Variants in DLGAP2 observed in about 807,000 individuals in gnomAD.
The protein encoded by DLGAP2 is disks large-associated protein 2.
DLGAP2 carries 26 observed loss-of-function variants against 100.3 expected under a neutral mutation model. The observed-to-expected ratio is 0.26, with a 90% CI of 0.19 to 0.36. The LOEUF is 0.36. DLGAP2 is among the 10% of genes least tolerant of loss of function. The probability of loss-of-function intolerance (pLI) is 1.00; values close to 1 mark genes in which losing one functional copy is unlikely to be tolerated. For missense variants in DLGAP2, 1,858 were observed against 1,453.2 expected (o/e 1.28, Z -4.53); for synonymous variants, 886 against 630.1 (o/e 1.41, Z -6.08).
chr8:1,488,093 C>T (rs1799276842), intron 3 of DLGAP2, among the ~76,000 whole-genome samples: 1 of 152,154 alleles, frequency 6.6e-6, no homozygotes, highest in South Asian at 2.1e-4. Context: ...GTGGCATATT[C>T]TTCAGGATTT....
chr8:843,651 G>A (rs764269153), intron 1 of DLGAP2, among the ~76,000 whole-genome samples: 1 of 152,182 alleles, frequency 6.6e-6, no homozygotes, highest in Admixed American at 6.5e-5. Context: ...TGCTGTAAAT[G>A]GTTTTTGGGT....
intron 2 of DLGAP2, among the ~76,000 whole-genome samples, chr8:1,084,093 C>T (rs893219660): frequency 6.6e-6 from 1 of 152,122 alleles, no homozygotes; most frequent in African/African-American, 2.4e-5. Context: ...TGTATGTACT[C>T]TTAACTCAAT....
chr8:832,075 T>C (rs1212631820), intron 1 of DLGAP2, among the ~76,000 whole-genome samples: 1 of 152,180 alleles, frequency 6.6e-6, no homozygotes, highest in East Asian at 1.9e-4. Flanking sequence ...TTTTTTCTTG[T>C]AAAATTTGTT....
At chr8:828,978 C>T (rs978296720) in intron 1 of DLGAP2, among the ~76,000 whole-genome samples, 1 of 152,150 alleles carries the variant, frequency 6.6e-6, no homozygotes, top group African/African-American at 2.4e-5. Context: ...GGTAATGAAT[C>T]ACTGGCTTTT....
intron 1 of DLGAP2, among the ~76,000 whole-genome samples, chr8:758,330 A>G (rs1820972827): frequency 6.6e-6 from 1 of 152,248 alleles, no homozygotes; most frequent in Non-Finnish European, 1.5e-5. Flanking sequence ...TTCTGTAGGT[A>G]GAGGGTTACC....
chr8:1,449,924 T>C (rs868371902), intron 3 of DLGAP2, among the ~76,000 whole-genome samples: 45 of 89,388 alleles, frequency 5.0e-4, no homozygotes, highest in South Asian at 8.5e-4. Context: ...GTGGGCGGCC[T>C]CGGTGGCTGA....
chr8:1,176,561 G>T (rs534719774), intron 2 of DLGAP2, among the ~76,000 whole-genome samples: 2 of 150,702 alleles, frequency 1.3e-5, no homozygotes, highest in Non-Finnish European at 2.9e-5. Flanking sequence ...TATTGACGTT[G>T]TTCATGCTCA....
intron 2 of DLGAP2, among the ~76,000 whole-genome samples, chr8:994,430 C>G (rs1800728766): frequency 6.6e-6 from 1 of 152,208 alleles, no homozygotes; most frequent in South Asian, 2.1e-4. Context: ...GAACTCCCGA[C>G]CTCAGGTGAT....
At chr8:1,037,188 C>G (rs989191704) in intron 2 of DLGAP2, among the ~76,000 whole-genome samples, 1 of 152,176 alleles carries the variant, frequency 6.6e-6, no homozygotes. Flanking sequence ...GCTCAACAGC[C>G]TTGAGCGTCC....
chr8:757,639 C>T lies in DLGAP2; in HGVS notation c.18+19814C>T, dbSNP rs954443599. On this transcript the variant is annotated intron_variant, in intron 1 of 14. Coordinates refer to ENST00000637795, the MANE Select transcript of DLGAP2 (RefSeq NM_001346810.2). ...GGTCACAGGCTGTGTGGTCCACAGG[C>T]GGGCTGAGGGTTGGGATCGTACGGG... Among the ~76,000 whole-genome samples, 5 of 152,102 alleles carry T rather than the reference C, an allele frequency of 3.3e-5. No homozygotes were observed. In the East Asian group the frequency reaches 5.8e-4, roughly 18 times the overall value.
At chr8:1,388,121 G>C (rs1407743734) in intron 3 of DLGAP2, among the ~76,000 whole-genome samples, 6 of 100,560 alleles carry the variant, frequency 6.0e-5, no homozygotes, top group African/African-American at 1.9e-4. Context: ...GGAGGCTCTG[G>C]TTCAGGTGTC....
At chr8:1,121,241 A>C (rs1440165310) in intron 2 of DLGAP2, among the ~76,000 whole-genome samples, 86 of 87,716 alleles carry the variant, frequency 9.8e-4, no homozygotes, top group East Asian at 1.7e-3. Flanking sequence ...GAACCCATGA[A>C]CACCCATCCT....
At chr8:756,515 A>T (rs1357052864) in intron 1 of DLGAP2, among the ~76,000 whole-genome samples, 1 of 152,168 alleles carries the variant, frequency 6.6e-6, no homozygotes, top group Admixed American at 6.5e-5. Context: ...CTTGTTCTTT[A>T]GGTGTGAAAG....
intron 3 of DLGAP2, among the ~76,000 whole-genome samples, chr8:1,465,198 G>T (rs1309346548): frequency 5.9e-5 from 9 of 152,268 alleles, no homozygotes; most frequent in Non-Finnish European, 1.3e-4. Flanking sequence ...TAACCAGCCA[G>T]TGGTAAACCG....
At chr8:1,098,210 T>A (rs1181764496) in intron 2 of DLGAP2, among the ~76,000 whole-genome samples, 5 of 152,228 alleles carry the variant, frequency 3.3e-5, no homozygotes, top group Non-Finnish European at 7.3e-5. Flanking sequence ...TGCGTATGCG[T>A]CACAGAAACT....
At chr8:1,266,717 G>T (rs1360922357) in intron 3 of DLGAP2, among the ~76,000 whole-genome samples, 1 of 152,118 alleles carries the variant, frequency 6.6e-6, no homozygotes, top group Non-Finnish European at 1.5e-5. Context: ...GATACAGTGA[G>T]GGGGGAGGGG....
At chr8:1,699,338 G>A (rs991416500) in intron 14 of DLGAP2, among the ~76,000 whole-genome samples, 1 of 151,866 alleles carries the variant, frequency 6.6e-6, no homozygotes, top group African/African-American at 2.4e-5. Flanking sequence ...GGGCACAGTG[G>A]ATCACGCCTG....
rs149995519 is a variant in DLGAP2, at chr8:932,079, A to G, written c.73+24113A>G. 3.3e-5 allele frequency among the ~76,000 whole-genome samples: 5 copies of G among 152,246 alleles called. No homozygotes were observed. The East Asian group carries it at 9.6e-4, about 29-fold the overall frequency. On this transcript the variant is annotated intron_variant, in intron 2 of 14. Transcript: ENST00000637795. ...TTGCAGCACAAACATGTACTGTAAG[A>G]CCTCGTGGCATTCCTGTGAGTTGGC...
At chr8:1,599,967 C>A (rs964302528) in intron 6 of DLGAP2, among the ~76,000 whole-genome samples, 3 of 152,102 alleles carry the variant, frequency 2.0e-5, no homozygotes, top group Admixed American at 2.0e-4. Context: ...TTCATAGTGT[C>A]GATGGTCTTT....
Sources: gnomAD v4.1 joint callset for allele counts (sites outside exome capture counted in the v4.1 genomes callset) on GRCh38, gnomAD v4.1.1 for gene constraint, MANE v1.5 for transcripts, NCBI Gene and HGNC (gene_info 2026-07-23, HGNC 2026-07-21) for gene names.